The following FGB variants were observed in gnomAD, a reference collection of about 807,000 sequenced individuals.
FGB encodes beta-fibrinogen.
In FGB, 25 loss-of-function variants were observed where a neutral mutation model predicts 57.9. The ratio of observed to expected loss-of-function variants is 0.43; its 90% confidence interval spans 0.31 to 0.60. FGB has a LOEUF of 0.60. Among genes scored for constraint, FGB ranks in the 20% least tolerant of loss-of-function variants. The pLI, the probability that FGB is intolerant of heterozygous loss-of-function variation, is 0.08. For missense variants in FGB, 536 were observed against 598.4 expected, an observed-to-expected ratio of 0.90 and a Z score of 1.09; for synonymous variants, 203 against 199.2, an observed-to-expected ratio of 1.02 and a Z score of -0.16.
intron 3 of FGB, 42 bp downstream of exon 3, chr4:154,566,714 A>G: frequency 6.3e-7 from 1 of 1,583,906 alleles, no homozygotes; most frequent in South Asian, 1.1e-5. Flanking sequence ...CAGCTATAAA[A>G]TTGGAACCGT....
Position 154,570,712 on chromosome 4 carries a change from G to A in FGB, c.*62G>A. On this transcript the variant is annotated 3_prime_UTR_variant, in exon 8 of 8. Coordinates refer to ENST00000302068, the MANE Select transcript of FGB (RefSeq NM_005141.5). ...CAACATTTTTGTACATTATGTTATT[G>A]GAATTTTCTTTCATACATTATATTC... 1 of 1,307,660 alleles carries A rather than the reference G, an allele frequency of 7.6e-7. No homozygotes were observed. The highest frequency in any genetic ancestry group is 1.2e-5 in the South Asian group (1 of 82,462). 81.0% of individuals were successfully genotyped at this position (1,307,660 alleles called of 1,614,324 possible).
At chr4:154,566,349 G>A (rs1371768169) in intron 2 of FGB, 140 bp from the exon 3 acceptor site, 22 of 777,270 alleles carry the variant, frequency 2.8e-5, no homozygotes, top group South Asian at 4.8e-5. Flanking sequence ...GATGACTTTC[G>A]AATTTCTGGT....
intron 1 of FGB, chr4:154,565,506 T>TAC: frequency 2.7e-6 from 1 of 367,956 alleles, no homozygotes; most frequent in Non-Finnish European, 5.0e-6. Context: ...TACAATTTCG[T>TAC]AAGTTCCAAT....
At position 154,568,335 on chromosome 4, in the gene FGB, A is replaced by G. The variant is rs561628005; in HGVS notation, c.719-46A>G. 7.2e-6 allele frequency: 7 copies of G among 977,498 alleles called. No individual in the cohort carries two copies. In the African/African-American group the frequency reaches 1.1e-4, roughly 16 times the overall value. 60.6% of individuals were successfully genotyped at this position (977,498 alleles called of 1,614,324 possible). On this transcript the variant is annotated intron_variant, in intron 4 of 7. Coordinates refer to ENST00000302068, the MANE Select transcript of FGB (RefSeq NM_005141.5). ...AAGAATTGGTGACTAAATACAAAGTAATTATGTCATAAACCCCTGAACATA... is the reference window on the plus strand; with the variant it reads ...AAGAATTGGTGACTAAATACAAAGTGATTATGTCATAAACCCCTGAACATA...
chr4:154,566,830 C>T, intron 3 of FGB, 158 bp downstream of exon 3: 1 of 693,764 alleles, frequency 1.4e-6, no homozygotes, highest in Non-Finnish European at 2.6e-6. Context: ...GCCAGATAAG[C>T]ACTATTCAGC....
Position 154,565,801 on chromosome 4 carries a change from C to T in FGB, c.115-7C>T, listed in dbSNP as rs1160791508. 1.9e-6 allele frequency: 3 copies of T among 1,613,844 alleles called. No homozygotes were observed. In the South Asian group the frequency reaches 3.3e-5, roughly 18 times the overall value. On this transcript the variant is annotated splice_region_variant and splice_polypyrimidine_tract_variant and intron_variant, in intron 1 of 7. Transcript: ENST00000302068. ...TCTGTATTATATTTCTGCCTCATTC[C>T]TTGTAGGGTTTCTTCAGTGCCCGTG...
Position 154,565,945 on chromosome 4 carries a change from A to G in FGB, c.252A>G (p.Lys84=), listed in dbSNP as rs904753320. ...RPAKAAATQK[K]VERKAPDAGG... is the part of the protein sequence containing the mutation. ...CCAAAGCAGCTGCCACTCAAAAGAA[A>G]GTAGAAAGAAAAGCCCCTGATGCTG... The change falls in exon 2 of 8, where the codon AAA becomes AAG. Residue 84 remains lysine, a synonymous_variant. Transcript: ENST00000302068. The G allele has an allele frequency of 6.2e-7, 1 of 1,614,102 alleles. No individual in the cohort carries two copies. The highest frequency in any genetic ancestry group is 1.7e-5 in the Admixed American group (1 of 60,014).
chr4:154,572,173 A>G lies in FGB; in HGVS notation c.*1523A>G, dbSNP rs941018465. The stretch of plus-strand genomic sequence containing the variant: ...TTTCCTGTTCCCTTCACTATAACCT[A>G]CATTTTTGTCACATTAAGTTTTTCC... On this transcript the variant is annotated 3_prime_UTR_variant, in exon 8 of 8. Transcript: ENST00000302068. 1.3e-5 allele frequency among the ~76,000 whole-genome samples: 2 copies of G among 152,124 alleles called. No homozygotes were observed. The highest frequency in any genetic ancestry group is 2.9e-5 in the Non-Finnish European group (2 of 68,024).
chr4:154,567,912 G>A, intron 4 of FGB, 92 bp downstream of exon 4: 1 of 957,444 alleles, frequency 1.0e-6, no homozygotes, highest in Non-Finnish European at 1.7e-6. Context: ...AATGCTAAGT[G>A]GATTTTCCCA....
At chr4:154,566,767 T>G (rs1427050685) in intron 3 of FGB, 95 bp downstream of exon 3, 2 of 1,241,176 alleles carry the variant, frequency 1.6e-6, no homozygotes, top group East Asian at 4.7e-5. Context: ...GATTAACATT[T>G]CTGGGTTAGT....
At chr4:154,565,622 G>T in intron 1 of FGB, 186 bp from the exon 2 acceptor site, 1 of 612,388 alleles carries the variant, frequency 1.6e-6, no homozygotes, top group Non-Finnish European at 2.9e-6. Flanking sequence ...TTGTGCAGTT[G>T]GTCTTTCTAC....
At chr4:154,569,435 T>C (rs1730316633) in intron 6 of FGB, 79 bp from the exon 7 acceptor site, 1 of 1,584,600 alleles carries the variant, frequency 6.3e-7, no homozygotes, top group African/African-American at 1.4e-5. Flanking sequence ...ATGTGGAAGC[T>C]AAAGATAAGG....
chr4:154,566,522 G>C lies in FGB; in HGVS notation c.340G>C (p.Glu114Gln). ...VLCPTGCQLQ[E>Q]ALLQQERPIR... ...GTGTCCTACAGGATGTCAGTTGCAA[G>C]AGGCTTTGCTACAACAGGAAAGGCC... is the stretch of plus-strand genomic sequence containing the variant. The change falls in exon 3 of 8, where the codon GAG (glutamate) becomes CAG (glutamine). Residue 114 changes from glutamate to glutamine, a missense_variant. This residue lies in a region of FGB where 354 missense variants were observed against 383.4 expected (regional missense o/e 0.92). Coordinates refer to ENST00000302068, the MANE Select transcript of FGB (RefSeq NM_005141.5). The C allele has an allele frequency of 6.2e-7, 1 of 1,614,110 alleles. No homozygotes were observed. Among genetic ancestry groups the C allele is most frequent in the Non-Finnish European group, 8.5e-7 (1 of 1,180,008 alleles).
upstream of FGB, chr4:154,563,006 C>T: frequency 7.6e-7 from 1 of 1,313,846 alleles, no homozygotes; most frequent in South Asian, 1.3e-5. Flanking sequence ...GAAGATCTCT[C>T]AGTTAAGTCT....
intron 7 of FGB, 58 bp from the exon 8 acceptor site, chr4:154,570,361 A>G (rs1464394086): frequency 2.2e-6 from 3 of 1,351,300 alleles, no homozygotes; most frequent in Non-Finnish European, 3.2e-6. Flanking sequence ...TAATCTGCAA[A>G]ACGTAACTTG....
Position 154,567,745 on chromosome 4 carries a change from G to A in FGB, c.643G>A (p.Asp215Asn). The stretch of plus-strand genomic sequence containing the variant: ...AAGCAAAATACAAAAGTTAGAATCT[G>A]ATGTCTCAGCTCAAATGGAATATTG... Reference protein sequence around the residue: ...LRSKIQKLESDVSAQMEYCRT... With the variant: ...LRSKIQKLESNVSAQMEYCRT... The change falls in exon 4 of 8, where the codon GAT becomes AAT. Residue 215 changes from aspartate to asparagine, a missense_variant. Coordinates refer to ENST00000302068, the MANE Select transcript of FGB (RefSeq NM_005141.5). 6.2e-7 allele frequency: 1 copy of A among 1,614,128 alleles called. No individual in the cohort carries two copies. Among genetic ancestry groups the A allele is most frequent in the Non-Finnish European group, 8.5e-7 (1 of 1,180,028 alleles).
In FGB at chr4:154,571,114, C is replaced by T. The variant is rs940820346; in HGVS notation, c.*464C>T. 6 of 262,790 alleles carry T rather than the reference C, an allele frequency of 2.3e-5. No homozygotes were observed. The highest frequency in any genetic ancestry group is 4.4e-5 in the Non-Finnish European group (6 of 136,286). The allele number at this position is 262,790 out of a possible 1,614,324, so 16.3% of individuals were successfully genotyped here. The stretch of plus-strand genomic sequence containing the variant: ...TAATGTTTTCTTGTTTTGTAATCCA[C>T]ACATTCAATGAGTTAGGCTTTGCAC... On this transcript the variant is annotated 3_prime_UTR_variant, in exon 8 of 8. Coordinates refer to ENST00000302068, the MANE Select transcript of FGB (RefSeq NM_005141.5).
At position 154,566,488 on chromosome 4, in the gene FGB, G is replaced by A; in HGVS notation, c.307-1G>A. ...ATGCCTGCTATTTTCTTTGTTTTTA[G>A]GGGGTGTTGTGTCCTACAGGATGTC... On this transcript the variant is annotated splice_acceptor_variant, in intron 2 of 7. Transcript: ENST00000302068. LOFTEE classifies it high-confidence loss of function. 1 of 1,613,958 alleles carries A rather than the reference G, an allele frequency of 6.2e-7. No homozygotes were observed. Among genetic ancestry groups the A allele is most frequent in the Non-Finnish European group, 8.5e-7 (1 of 1,179,900 alleles).
intron 1 of FGB, among the ~76,000 whole-genome samples, chr4:154,564,316 C>T (rs1306116626): frequency 1.3e-5 from 2 of 151,956 alleles, no homozygotes; most frequent in Non-Finnish European, 2.9e-5. Flanking sequence ...TCTAGTAAAG[C>T]CAGACCATCC....
Sources: allele counts gnomAD v4.1 joint callset (sites outside exome capture counted in the v4.1 genomes callset), GRCh38; gene constraint gnomAD v4.1.1; regional missense constraint gnomAD v4.1.1; transcripts MANE v1.5; gene names NCBI Gene and HGNC (gene_info 2026-07-23, HGNC 2026-07-21).